Variants in EFCAB8 observed in about 807,000 individuals in gnomAD.
EFCAB8 encodes EF-hand calcium-binding domain-containing protein 8.
In EFCAB8, 100 loss-of-function variants were observed where a neutral mutation model predicts 116.3. The observed-to-expected ratio is 0.86, with a 90% CI of 0.73 to 1.02. The LOEUF (loss-of-function observed/expected upper bound fraction) is 1.02, where lower values mean the gene tolerates loss of function less well. Among genes scored for constraint, EFCAB8 ranks in the 50% least tolerant of loss-of-function variants. The probability of loss-of-function intolerance (pLI) is 0.00; values close to 1 mark genes in which losing one functional copy is unlikely to be tolerated. For synonymous variants in EFCAB8, 558 were observed against 567.9 expected, an observed-to-expected ratio of 0.98 and a Z score of 0.25; for missense variants, 1,320 against 1,416.9, an observed-to-expected ratio of 0.93 and a Z score of 1.10.
At chr20:32,919,712 T>C (rs1209686765) in intron 19 of EFCAB8, among the ~76,000 whole-genome samples, 1 of 152,256 alleles carries the variant, frequency 6.6e-6, no homozygotes, top group East Asian at 1.9e-4. Context: ...TTGGCCAGGC[T>C]GGTCTCAGAC....
At chr20:32,961,085 C>A in intron 26 of EFCAB8, 51 bp from the exon 27 acceptor site, 4 of 1,480,296 alleles carry the variant, frequency 2.7e-6, no homozygotes, top group South Asian at 1.2e-5. Context: ...TCCTGGGTGT[C>A]CCCGGCTCCA....
chr20:32,867,668 GC>G lies in EFCAB8; in HGVS notation c.131del (p.Pro44LeufsTer14), dbSNP rs1984493656. On this transcript the variant is annotated frameshift_variant, in exon 3 of 27. Transcript: ENST00000400522. LOFTEE classifies it high-confidence loss of function. ...CCCTTAGCCAGGTGCCTGACCTCCA[GC>G]CTGGGTCCCAGCTGTTTACTGAGAT... ...ITLSQVPDLQ[P>X]GSQLFTEIHL... 6.4e-7 allele frequency: 1 copy of G among 1,551,650 alleles called. No homozygotes were observed. The highest frequency in any genetic ancestry group is 8.7e-7 in the Non-Finnish European group (1 of 1,146,984).
At chr20:32,903,840 G>A (rs1414679287) in intron 11 of EFCAB8, among the ~76,000 whole-genome samples, 1 of 152,166 alleles carries the variant, frequency 6.6e-6, no homozygotes, top group Non-Finnish European at 1.5e-5. Context: ...TAGGCAAGGA[G>A]GACTTGGGGC....
At position 32,889,420 on chromosome 20, in the gene EFCAB8, G is replaced by T. The variant is rs1219417984; in HGVS notation, c.673+14G>T. ...GGCAAAAGATAGGTGAGTCCCTGGGGGCTTCCCAGCTCTGCTCTCAGCCAC... is the reference window on the plus strand; with the variant it reads ...GGCAAAAGATAGGTGAGTCCCTGGGTGCTTCCCAGCTCTGCTCTCAGCCAC... On this transcript the variant is annotated intron_variant, in intron 7 of 26. Transcript: ENST00000400522. 6.4e-7 allele frequency: 1 copy of T among 1,550,554 alleles called. No homozygotes were observed. Among genetic ancestry groups the T allele is most frequent in the African/African-American group, 1.4e-5 (1 of 73,022 alleles).
chr20:32,939,203 CCT>C (rs562450932), intron 22 of EFCAB8, among the ~76,000 whole-genome samples: 11 of 51,054 alleles, frequency 2.2e-4, no homozygotes, highest in Admixed American at 7.1e-4. Context: ...TTCTTTCTTT[CCT>C]CTCTCTCTCT....
At position 32,877,245 on chromosome 20, in the gene EFCAB8, G is replaced by C. The variant is rs1012116053; in HGVS notation, c.327+1201G>C. Among the ~76,000 whole-genome samples, 26 of 109,706 alleles carry C rather than the reference G, an allele frequency of 2.4e-4. No individual in the cohort carries two copies. In the East Asian group the frequency reaches 6.1e-3, roughly 26 times the overall value. The allele number at this position is 109,706 out of a possible 152,430, so 72.0% of individuals were successfully genotyped here. ...TTTTTTTGAGATGGAGTCTTGCTCT[G>C]TCGCCCAGGCTGGAGTGCAATGGCA... On this transcript the variant is annotated intron_variant, in intron 4 of 26. Transcript: ENST00000400522.
In EFCAB8 at chr20:32,898,507, C is replaced by A; in HGVS notation, c.972C>A (p.Asn324Lys). The A allele has an allele frequency of 1.4e-6, 1 of 718,272 alleles. No homozygotes were observed. The highest frequency in any genetic ancestry group is 2.6e-6 in the Non-Finnish European group (1 of 384,834). 44.5% of individuals were successfully genotyped at this position (718,272 alleles called of 1,614,324 possible). A position where few individuals can be genotyped will look rare whatever the true frequency, so the allele number is the denominator to read the frequency against. The part of the protein sequence containing the change: ...RSYRLKALHP[N>K]WCEQVKFIPQ... ...TGTCTTCCCAGGCTCTCCATCCCAA[C>A]TGGTGTGAGCAGGTCAAGTTCATCC... Residue 324 changes from asparagine (N) to lysine (K), a missense_variant, in exon 11 of 27, where the codon AAC (asparagine) becomes AAA (lysine). Asn to Lys is a moderately conservative substitution (Grantham distance 94). Transcript: ENST00000400522.
chr20:32,878,995 G>A (rs115322040), intron 5 of EFCAB8, among the ~76,000 whole-genome samples, 188 bp downstream of exon 5: 6 of 152,322 alleles, frequency 3.9e-5, no homozygotes, highest in East Asian at 3.9e-4. Context: ...ACTAAGGTAC[G>A]TGATTTGTCC....
chr20:32,881,708 G>A (rs983412397), intron 5 of EFCAB8, among the ~76,000 whole-genome samples: 2 of 152,150 alleles, frequency 1.3e-5, no homozygotes, highest in Non-Finnish European at 2.9e-5. Flanking sequence ...CTACTGTAGC[G>A]AGTGCCTCCC....
intron 3 of EFCAB8, among the ~76,000 whole-genome samples, chr20:32,872,107 G>A (rs895690638): frequency 6.6e-6 from 1 of 152,158 alleles, no homozygotes; most frequent in Non-Finnish European, 1.5e-5. Context: ...TTTATTCCTT[G>A]ATCCAGCAAC....
Position 32,867,391 on chromosome 20 carries a change from G to A in EFCAB8, c.43-191G>A, listed in dbSNP as rs1341199353. On this transcript the variant is annotated intron_variant, in intron 2 of 26. Transcript: ENST00000400522. ...GAACAATGGTTCCCTCTCCAAAGTC[G>A]GAAGAGTCTAGGTTTTTCTTTATCT... 4.6e-5 allele frequency among the ~76,000 whole-genome samples: 7 copies of A among 152,332 alleles called. 1 individual carries two copies. The highest frequency in any genetic ancestry group is 9.6e-5 in the African/African-American group (4 of 41,576).
intron 21 of EFCAB8, among the ~76,000 whole-genome samples, 165 bp from the exon 22 acceptor site, chr20:32,931,013 C>A (rs993601514): frequency 6.6e-6 from 1 of 152,138 alleles, no homozygotes; most frequent in Non-Finnish European, 1.5e-5. Flanking sequence ...CCTAGAAGAT[C>A]CCTAAGGCCC....
chr20:32,925,858 T>C (rs149122734), intron 20 of EFCAB8, among the ~76,000 whole-genome samples: 2 of 152,374 alleles, frequency 1.3e-5, no homozygotes, highest in East Asian at 3.9e-4. Flanking sequence ...TGAGTGAGAC[T>C]GAAATGCTCA....
chr20:32,938,307 T>C (rs1273519084), intron 22 of EFCAB8, among the ~76,000 whole-genome samples: 2 of 150,010 alleles, frequency 1.3e-5, no homozygotes, highest in African/African-American at 4.9e-5. Context: ...AGAAACTCCT[T>C]CAACCTGATA....
intron 20 of EFCAB8, among the ~76,000 whole-genome samples, chr20:32,925,310 C>G (rs1987626155): frequency 6.6e-6 from 1 of 152,100 alleles, no homozygotes; most frequent in South Asian, 2.1e-4. Context: ...ACCTCTGTCT[C>G]CTGGGTTCAA....
intron 23 of EFCAB8, among the ~76,000 whole-genome samples, chr20:32,954,240 C>G (rs1436776694): frequency 2.6e-5 from 4 of 152,078 alleles, no homozygotes. Flanking sequence ...CATATTTTTT[C>G]TAGGAGTTTT....
chr20:32,871,900 C>T (rs892241509), intron 3 of EFCAB8, among the ~76,000 whole-genome samples: 1 of 151,862 alleles, frequency 6.6e-6, no homozygotes, highest in Non-Finnish European at 1.5e-5. Context: ...TCAGTCTCCC[C>T]AGGAGGTTTT....
At chr20:32,947,383 A>T (rs908538378) in intron 23 of EFCAB8, among the ~76,000 whole-genome samples, 2 of 152,228 alleles carry the variant, frequency 1.3e-5, no homozygotes, top group African/African-American at 4.8e-5. Flanking sequence ...ACATTTATAG[A>T]TCATTCATAA....
At chr20:32,920,292 C>A in intron 20 of EFCAB8, 77 bp downstream of exon 20, 1 of 1,509,200 alleles carries the variant, frequency 6.6e-7, no homozygotes, top group Non-Finnish European at 8.9e-7. Flanking sequence ...GGATGGGGCT[C>A]GGGGGCCTGG....
Sources: gnomAD v4.1 joint callset for allele counts (sites outside exome capture counted in the v4.1 genomes callset) on GRCh38, gnomAD v4.1.1 for gene constraint, MANE v1.5 for transcripts, NCBI Gene and HGNC (gene_info 2026-07-23, HGNC 2026-07-21) for gene names.